The following SPG21 variants were observed in gnomAD, a reference collection of about 807,000 sequenced individuals.
The protein encoded by SPG21 is maspardin.
A neutral mutation model predicts 38.9 loss-of-function variants in SPG21; 26 were observed. The observed-to-expected ratio is 0.67, with a 90% CI of 0.49 to 0.93. The LOEUF is 0.93. SPG21 is among the 40% of genes least tolerant of loss of function. The pLI, the probability that SPG21 is intolerant of heterozygous loss-of-function variation, is 0.00. For synonymous variants in SPG21, 136 were observed against 128.9 expected, an observed-to-expected ratio of 1.05 and a Z score of -0.37; for missense variants, 333 against 376.5, an observed-to-expected ratio of 0.88 and a Z score of 0.96.
intron 8 of SPG21, 106 bp downstream of exon 8, chr15:64,965,214 G>T: frequency 6.8e-7 from 1 of 1,462,576 alleles, no homozygotes; most frequent in East Asian, 2.3e-5. Context: ...ATTTCTACAA[G>T]GAATTCTGTA....
intron 1 of SPG21, chr15:64,988,960 C>A (rs2086058104): frequency 7.6e-6 from 1 of 130,838 alleles, no homozygotes; most frequent in African/African-American, 3.0e-5. Flanking sequence ...CCAGCCTGGG[C>A]GACGGAGCGA....
intron 4 of SPG21, among the ~76,000 whole-genome samples, chr15:64,975,494 C>T (rs2085757170): frequency 6.7e-6 from 1 of 148,860 alleles, no homozygotes; most frequent in African/African-American, 2.5e-5. Flanking sequence ...CACCACCGCA[C>T]TCCAGCCTGG....
intron 4 of SPG21, 25 bp downstream of exon 4, chr15:64,976,449 TA>T (rs779819359): frequency 6.6e-7 from 1 of 1,510,700 alleles, no homozygotes. Flanking sequence ...AAATTGTATG[TA>T]TGTAATTAGT....
At chr15:64,987,104 A>C (rs904047643) in intron 1 of SPG21, 1 of 152,250 alleles carries the variant, frequency 6.6e-6, no homozygotes, top group African/African-American at 2.4e-5. Flanking sequence ...ACACACATAC[A>C]CAGGCACACA....
At chr15:64,978,024 G>T (rs1960587390) in intron 3 of SPG21, among the ~76,000 whole-genome samples, 1 of 151,236 alleles carries the variant, frequency 6.6e-6, no homozygotes, top group South Asian at 2.1e-4. Flanking sequence ...GTAGAGACGG[G>T]GTTTCACCAT....
At chr15:64,982,144 T>TTTC (rs1207419921) in intron 2 of SPG21, among the ~76,000 whole-genome samples, 2 of 139,488 alleles carry the variant, frequency 1.4e-5, no homozygotes, top group African/African-American at 5.6e-5. Context: ...TTTCTTTTCT[T>TTTC]TTTTTTTTTT....
chr15:64,969,380 G>A lies in SPG21; in HGVS notation c.562-18C>T. On this transcript the variant is annotated intron_variant, in intron 6 of 8. Coordinates refer to ENST00000204566, the MANE Select transcript of SPG21 (RefSeq NM_016630.7). ...CTTTCTAGCTGCAGGAAGAAACACA[G>A]GTAAAGTTTTTGAAATAATTTTGTT... The A allele has an allele frequency of 6.5e-7, 1 of 1,541,152 alleles. No homozygotes were observed. Among genetic ancestry groups the A allele is most frequent in the Non-Finnish European group, 9.0e-7 (1 of 1,113,774 alleles).
chr15:64,965,279 T>G, intron 8 of SPG21, 41 bp downstream of exon 8: 1 of 1,614,058 alleles, frequency 6.2e-7, no homozygotes, highest in Non-Finnish European at 8.5e-7. Context: ...TGCAAACATA[T>G]GTTGGGCTCA....
In SPG21 at chr15:64,963,714, C is replaced by T. The variant is rs751188839; in HGVS notation, c.833G>A (p.Gly278Glu). ...YVQIHLLQFH[G>E]TKYAAIDPSM... is the part of the protein sequence containing the mutation. ...TGGGTCAATGGCCGCGTATTTGGTTCCATGGAATTGCAGCAAATGTATCTG... is the reference window on the plus strand; with the variant it reads ...TGGGTCAATGGCCGCGTATTTGGTTTCATGGAATTGCAGCAAATGTATCTG... The change falls in exon 9 of 9, where the codon GGA becomes GAA. Residue 278 changes from glycine (G) to glutamate (E), a missense_variant. Physicochemically the swap from Gly to Glu is moderately conservative, Grantham distance 98. Coordinates refer to ENST00000204566, the MANE Select transcript of SPG21 (RefSeq NM_016630.7). 7.4e-6 allele frequency: 12 copies of T among 1,613,954 alleles called. No individual in the cohort carries two copies. The highest frequency in any genetic ancestry group is 1.7e-5 in the Admixed American group (1 of 59,996).
intron 2 of SPG21, among the ~76,000 whole-genome samples, chr15:64,982,035 C>A (rs560507871): frequency 4.5e-4 from 68 of 152,212 alleles, no homozygotes; most frequent in Non-Finnish European, 8.4e-4. Context: ...TCCAGAGAGG[C>A]CTAACAGTTC....
At chr15:64,988,361 TAGTC>T (rs1171568241) in intron 1 of SPG21, among the ~76,000 whole-genome samples, 1 of 152,228 alleles carries the variant, frequency 6.6e-6, no homozygotes, top group Admixed American at 6.5e-5. Flanking sequence ...CCAGCATAAT[TAGTC>T]AGAGGTTTCT....
At chr15:64,980,639 G>A (rs1380005718) in intron 3 of SPG21, among the ~76,000 whole-genome samples, 1 of 152,008 alleles carries the variant, frequency 6.6e-6, no homozygotes, top group African/African-American at 2.4e-5. Context: ...TCGGGAGGCT[G>A]AGGCAGGAGA....
At chr15:64,978,865 A>C (rs1172495384) in intron 3 of SPG21, among the ~76,000 whole-genome samples, 1 of 152,208 alleles carries the variant, frequency 6.6e-6, no homozygotes, top group Non-Finnish European at 1.5e-5. Context: ...TAGTAATATC[A>C]ATATCCTGGT....
At chr15:64,981,947 A>G (rs915171129) in intron 2 of SPG21, among the ~76,000 whole-genome samples, 9 of 152,260 alleles carry the variant, frequency 5.9e-5, no homozygotes, top group African/African-American at 2.2e-4. Flanking sequence ...TGGACTCCAC[A>G]GTGTCACTCT....
chr15:64,965,547 A>G, intron 7 of SPG21, 87 bp from the exon 8 acceptor site: 1 of 1,577,206 alleles, frequency 6.3e-7, no homozygotes, highest in Non-Finnish European at 8.7e-7. Flanking sequence ...GTGTTTTAAT[A>G]TGTTCTTTTC....
intron 4 of SPG21, 53 bp from the exon 5 acceptor site, chr15:64,974,800 CTGAG>C: frequency 1.2e-6 from 2 of 1,608,910 alleles, no homozygotes; most frequent in Non-Finnish European, 1.7e-6. Context: ...AATCTTGAAC[CTGAG>C]TATTAAAAAG....
At chr15:64,988,211 G>A (rs749485671) in intron 1 of SPG21, among the ~76,000 whole-genome samples, 4 of 152,054 alleles carry the variant, frequency 2.6e-5, no homozygotes, top group Non-Finnish European at 5.9e-5. Context: ...GACAGAGTGA[G>A]ACTCTGTCTC....
chr15:64,981,451 A>G, intron 2 of SPG21: 1 of 188,100 alleles, frequency 5.3e-6, no homozygotes, highest in Non-Finnish European at 1.1e-5. Flanking sequence ...CCTCATGCCC[A>G]GCTAATTTTT....
chr15:64,979,845 C>CAA (rs71136305), intron 3 of SPG21, among the ~76,000 whole-genome samples: 1,802 of 89,316 alleles, frequency 0.02, 133 homozygotes, highest in African/African-American at 0.081. Flanking sequence ...TGGAAGCATG[C>CAA]AAAAAAAAAA....
Sources: gnomAD v4.1 joint callset for allele counts (sites outside exome capture counted in the v4.1 genomes callset) on GRCh38, gnomAD v4.1.1 for gene constraint, MANE v1.5 for transcripts, NCBI Gene and HGNC (gene_info 2026-07-23, HGNC 2026-07-21) for gene names.